Variants in KIF26B observed in about 807,000 individuals in gnomAD.
KIF26B encodes the protein kinesin-like protein KIF26B.
Under a neutral mutation model 151.2 loss-of-function variants are expected in KIF26B, and 63 were observed. That is an observed-to-expected ratio of 0.42 (90% CI 0.34 to 0.51). The LOEUF is 0.51. Ranked by LOEUF, KIF26B falls within the 20% of genes least tolerant of loss-of-function variation. KIF26B has a pLI of 0.07. For synonymous variants in KIF26B, 1,357 were observed against 1,262.1 expected (o/e 1.08, Z -1.59); for missense variants, 2,813 against 2,913.6 (o/e 0.97, Z 0.79).
rs1572110143 is a variant in KIF26B at position 245,533,346 on chromosome 1, C to G, written c.1167-7421C>G. ...CAGCAGGTGCAGTGGCTCTGAGAGT[C>G]TCACAGTTTTTCAGTTGATATCTCA... On this transcript the variant is annotated intron_variant, in intron 4 of 14. Transcript: ENST00000407071. Among the ~76,000 whole-genome samples the G allele has an allele frequency of 2.0e-5, 3 of 152,232 alleles. No homozygotes were observed. In the South Asian group the frequency reaches 6.2e-4, roughly 32 times the overall value.
intron 3 of KIF26B, among the ~76,000 whole-genome samples, chr1:245,415,918 A>C (rs941345371): frequency 6.6e-6 from 1 of 152,008 alleles, no homozygotes; most frequent in African/African-American, 2.4e-5. Context: ...TGGAGCCAAA[A>C]CACTATCCTT....
chr1:245,177,132 G>T (rs563722173), intron 2 of KIF26B, among the ~76,000 whole-genome samples: 1 of 152,102 alleles, frequency 6.6e-6, no homozygotes, highest in Non-Finnish European at 1.5e-5. Context: ...TTTTTAAATT[G>T]CTTGTAAAGA....
intron 2 of KIF26B, among the ~76,000 whole-genome samples, chr1:245,236,851 T>A (rs1670119509): frequency 1.3e-5 from 2 of 152,202 alleles, no homozygotes; most frequent in South Asian, 4.1e-4. Flanking sequence ...ATGGGTGGCA[T>A]GCAGTAGGTG....
At position 245,687,339 on chromosome 1, in the gene KIF26B, G is replaced by T. The variant is rs368790416; in HGVS notation, c.4356G>T (p.Thr1452=). The T allele has an allele frequency of 6.3e-7, 1 of 1,597,166 alleles. No homozygotes were observed. The highest frequency in any genetic ancestry group is 2.3e-5 in the East Asian group (1 of 44,124). The change falls in exon 12 of 15, where the codon ACG becomes ACT. Residue 1452 remains threonine (T), a synonymous_variant. Coordinates refer to ENST00000407071, the MANE Select transcript of KIF26B (RefSeq NM_018012.4). The surrounding 1 kb of genome is among the most constrained non-coding windows in gnomAD (Gnocchi z 4.9). ...GAGAAGAGGAAGTGAAAAAAGAGAC[G>T]GCTCATCCCAATGAAGAAGGGATGA... is the stretch of plus-strand genomic sequence containing the variant. ...LKREEEVKKE[T]AHPNEEGMMR...
At chr1:245,476,660 C>T (rs942685101) in intron 4 of KIF26B, among the ~76,000 whole-genome samples, 5 of 151,504 alleles carry the variant, frequency 3.3e-5, no homozygotes, top group South Asian at 2.1e-4. Flanking sequence ...CTCAGCCTCC[C>T]GAGTAGTTGA....
intron 2 of KIF26B, among the ~76,000 whole-genome samples, chr1:245,254,385 A>C (rs1670498789): frequency 6.6e-6 from 1 of 152,030 alleles, no homozygotes; most frequent in South Asian, 2.1e-4. Context: ...GAATTTCCTC[A>C]TGTTTTACAG....
At chr1:245,229,369 T>A (rs1669944626) in intron 2 of KIF26B, among the ~76,000 whole-genome samples, 1 of 152,202 alleles carries the variant, frequency 6.6e-6, no homozygotes, top group African/African-American at 2.4e-5. Flanking sequence ...AATGATCTTC[T>A]AAGAGCAGGA....
At chr1:245,580,484 C>T (rs922770378) in intron 5 of KIF26B, among the ~76,000 whole-genome samples, 1 of 152,220 alleles carries the variant, frequency 6.6e-6, no homozygotes, top group Admixed American at 6.5e-5. Context: ...CTAGTCATAG[C>T]AGAGTGCCAG....
intron 3 of KIF26B, among the ~76,000 whole-genome samples, chr1:245,374,807 C>T (rs685556): frequency 0.49 from 74,356 of 152,024 alleles, 18,772 homozygotes; most frequent in Admixed American, 0.56. Flanking sequence ...ACACACATTT[C>T]TCAAGGCTAG....
chr1:245,618,031 T>C (rs2043611937), intron 9 of KIF26B, among the ~76,000 whole-genome samples: 1 of 152,090 alleles, frequency 6.6e-6, no homozygotes, highest in Admixed American at 6.6e-5. Flanking sequence ...TTTTCAGCCT[T>C]TCCTCCCACC....
intron 5 of KIF26B, among the ~76,000 whole-genome samples, chr1:245,568,336 T>C (rs1403787681): frequency 2.7e-5 from 4 of 150,148 alleles, no homozygotes; most frequent in Non-Finnish European, 4.4e-5. Flanking sequence ...AGAGTGAGAC[T>C]CTATCTCCAC....
At chr1:245,663,675 C>T (rs1538961) in intron 10 of KIF26B, among the ~76,000 whole-genome samples, 103,200 of 152,086 alleles carry the variant, frequency 0.68, 35,173 homozygotes, top group East Asian at 0.82. Context: ...ATAGTCTAAA[C>T]TACATTCTCA....
chr1:245,618,752 A>G, intron 9 of KIF26B, among the ~76,000 whole-genome samples: 1 of 142,836 alleles, frequency 7.0e-6, no homozygotes, highest in Non-Finnish European at 1.5e-5. Flanking sequence ...TCCAAGCCCT[A>G]TTAAACTATG....
At chr1:245,623,654 T>A (rs1470932896) in intron 9 of KIF26B, among the ~76,000 whole-genome samples, 10 of 152,236 alleles carry the variant, frequency 6.6e-5, no homozygotes, top group Admixed American at 5.9e-4. Flanking sequence ...TGACCGCATG[T>A]GACAGGTCAC....
At chr1:245,425,437 C>T (rs1274573678) in intron 4 of KIF26B, among the ~76,000 whole-genome samples, 2 of 152,120 alleles carry the variant, frequency 1.3e-5, no homozygotes, top group Admixed American at 6.6e-5. Flanking sequence ...GATGGAGTCT[C>T]GCTCTGTCGC....
chr1:245,440,089 C>T (rs1342928367), intron 4 of KIF26B, among the ~76,000 whole-genome samples: 2 of 152,016 alleles, frequency 1.3e-5, no homozygotes, highest in African/African-American at 2.4e-5. Flanking sequence ...GGCGTGGTGG[C>T]GGGAGCCTGT....
In KIF26B at chr1:245,488,464, C is replaced by T. The variant is rs893140118; in HGVS notation, c.1167-52303C>T. 2.0e-5 allele frequency among the ~76,000 whole-genome samples: 3 copies of T among 152,140 alleles called. No individual in the cohort carries two copies. The highest frequency in any genetic ancestry group is 2.0e-4 in the Admixed American group (3 of 15,280). ...GGATTGTTTCAGAGGATATGAAGGA[C>T]AAGGGACTGAGCCATGACACCTGTC... is the stretch of plus-strand genomic sequence containing the variant. On this transcript the variant is annotated intron_variant, in intron 4 of 14. Transcript: ENST00000407071. The surrounding 1 kb of genome is among the most constrained non-coding windows in gnomAD (Gnocchi z 4.6).
chr1:245,271,016 C>T (rs1227633523), intron 2 of KIF26B, among the ~76,000 whole-genome samples: 2 of 152,168 alleles, frequency 1.3e-5, no homozygotes, highest in Admixed American at 6.5e-5. Flanking sequence ...ACAATCCTTT[C>T]CCCACTGTGT....
At chr1:245,665,683 T>C (rs1391937940) in intron 10 of KIF26B, among the ~76,000 whole-genome samples, 2 of 151,272 alleles carry the variant, frequency 1.3e-5, no homozygotes, top group Non-Finnish European at 2.9e-5. Flanking sequence ...GCATAATAAG[T>C]TTCTCAGCTT....
Sources: gnomAD v4.1 joint callset for allele counts (sites outside exome capture counted in the v4.1 genomes callset) on GRCh38, gnomAD v4.1.1 for gene constraint, Gnocchi (gnomAD v3.1) non-coding constraint, MANE v1.5 for transcripts, NCBI Gene and HGNC (gene_info 2026-07-23, HGNC 2026-07-21) for gene names.